The following BLTP3B variants were observed in gnomAD, a reference collection of about 807,000 sequenced individuals.
BLTP3B encodes bridge-like lipid transfer protein family member 3B, also known as UHRF1 (ICBP90) binding protein 1-like.
the BLTP3B span, among the ~76,000 whole-genome samples, chr12:100,064,467 T>C: frequency 6.6e-6 from 1 of 152,106 alleles, no homozygotes; most frequent in Non-Finnish European, 1.5e-5. Context: ...AAAAAGATGA[T>C]TGCCTAGGCT....
At chr12:100,085,651 ACT>A in the BLTP3B span, among the ~76,000 whole-genome samples, 5 of 152,146 alleles carry the variant, frequency 3.3e-5, no homozygotes, top group Admixed American at 2.6e-4. Flanking sequence ...GTCCTGGAAA[ACT>A]CTATGATCTC....
chr12:100,112,847 A>G, the BLTP3B span, among the ~76,000 whole-genome samples: 2 of 146,868 alleles, frequency 1.4e-5, no homozygotes, highest in South Asian at 4.5e-4. Context: ...TGACAGAGCA[A>G]GACTCCATCT....
At chr12:100,113,783 C>T in the BLTP3B span, among the ~76,000 whole-genome samples, 1 of 151,318 alleles carries the variant, frequency 6.6e-6, no homozygotes, top group Non-Finnish European at 1.5e-5. Flanking sequence ...CATAGAGACA[C>T]CCTGTCTCAG....
the BLTP3B span, among the ~76,000 whole-genome samples, chr12:100,127,466 CT>C: frequency 6.6e-6 from 1 of 152,204 alleles, no homozygotes; most frequent in African/African-American, 2.4e-5. Flanking sequence ...CACAATTCTA[CT>C]TGTGGCATTT....
At chr12:100,086,324 T>G in the BLTP3B span, 1 of 1,409,150 alleles carries the variant, frequency 7.1e-7, no homozygotes, top group Non-Finnish European at 9.5e-7. Flanking sequence ...TAAAAGAGAG[T>G]TGCATTGCCC....
At chr12:100,104,420 T>TA in the BLTP3B span, among the ~76,000 whole-genome samples, 2 of 151,830 alleles carry the variant, frequency 1.3e-5, no homozygotes, top group Non-Finnish European at 2.9e-5. Context: ...GCTAGACTGG[T>TA]CTCTAACTCC....
At chr12:100,131,148 C>T in the BLTP3B span, among the ~76,000 whole-genome samples, 2 of 150,996 alleles carry the variant, frequency 1.3e-5, no homozygotes, top group African/African-American at 4.9e-5. Context: ...CCATCTCTAC[C>T]AAAAATACAA....
At chr12:100,109,041 C>T in the BLTP3B span, among the ~76,000 whole-genome samples, 1 of 152,000 alleles carries the variant, frequency 6.6e-6, no homozygotes, top group Non-Finnish European at 1.5e-5. Flanking sequence ...AATTGTAATC[C>T]CCACATGTCA....
chr12:100,082,094 C>T, the BLTP3B span, among the ~76,000 whole-genome samples: 1 of 152,016 alleles, frequency 6.6e-6, no homozygotes, highest in African/African-American at 2.4e-5. Flanking sequence ...GTTTTAATAA[C>T]AGCCATTCTG....
the BLTP3B span, among the ~76,000 whole-genome samples, chr12:100,113,674 T>C: frequency 2.2e-3 from 341 of 151,876 alleles, 3 homozygotes; most frequent in African/African-American, 7.7e-3. Context: ...GACTAAGATA[T>C]AGGCCAGACA....
At chr12:100,051,057 A>C in the BLTP3B span, 1 of 1,610,136 alleles carries the variant, frequency 6.2e-7, no homozygotes, top group Non-Finnish European at 8.5e-7. Flanking sequence ...TCTTCATAGA[A>C]TCTCTCTGAA....
chr12:100,122,858 G>A, the BLTP3B span, among the ~76,000 whole-genome samples: 8 of 152,046 alleles, frequency 5.3e-5, no homozygotes, highest in African/African-American at 9.7e-5. Flanking sequence ...CCTTCTCTCC[G>A]TCTGTTCCTA....
chr12:100,118,449 T>C, the BLTP3B span, among the ~76,000 whole-genome samples: 1 of 152,082 alleles, frequency 6.6e-6, no homozygotes, highest in South Asian at 2.1e-4. Flanking sequence ...ACAAGGAACG[T>C]CTGAGAAATG....
chr12:100,116,448 CAAAAAA>C, the BLTP3B span, among the ~76,000 whole-genome samples: 1 of 56,002 alleles, frequency 1.8e-5, no homozygotes, highest in African/African-American at 6.1e-5. Flanking sequence ...GATCCTGTCT[CAAAAAA>C]AAAAAAAAAA....
At chr12:100,097,158 C>G in the BLTP3B span, among the ~76,000 whole-genome samples, 4 of 152,282 alleles carry the variant, frequency 2.6e-5, no homozygotes, top group African/African-American at 4.8e-5. Flanking sequence ...GACTGAAGAA[C>G]ATTATACCAG....
the BLTP3B span, among the ~76,000 whole-genome samples, chr12:100,109,591 T>C: frequency 2.6e-5 from 4 of 151,862 alleles, no homozygotes; most frequent in African/African-American, 9.7e-5. Context: ...TGGTGAAACC[T>C]GGTCTCTACT....
the BLTP3B span, chr12:100,102,831 C>A: frequency 6.2e-7 from 1 of 1,603,984 alleles, no homozygotes; most frequent in East Asian, 2.3e-5. Flanking sequence ...CACATGTACT[C>A]ATTTCCATTA....
chr12:100,038,634 C>T, the BLTP3B span, among the ~76,000 whole-genome samples: 1 of 152,298 alleles, frequency 6.6e-6, no homozygotes, highest in African/African-American at 2.4e-5. Context: ...CAGCGCCCTA[C>T]AGACATTTTC....
chr12:100,140,704 C>CAAA, the BLTP3B span, among the ~76,000 whole-genome samples: 433 of 33,644 alleles, frequency 0.013, 15 homozygotes, highest in East Asian at 0.039. Flanking sequence ...GACTCTGTCT[C>CAAA]AAAAAAAAAA....
Sources: allele counts gnomAD v4.1 joint callset (sites outside exome capture counted in the v4.1 genomes callset), GRCh38; gene constraint gnomAD v4.1.1; transcripts MANE v1.5; gene names NCBI Gene and HGNC (gene_info 2026-07-23, HGNC 2026-07-21).